PRKAG2: variants seen among roughly 807,000 people sequenced by gnomAD.
The protein encoded by PRKAG2 is 5'-AMP-activated protein kinase subunit gamma-2.
In PRKAG2, 26 loss-of-function variants were observed where a neutral mutation model predicts 69.6. The ratio of observed to expected loss-of-function variants is 0.37; its 90% CI spans 0.27 to 0.52. The LOEUF (loss-of-function observed/expected upper bound fraction) is 0.52, where lower values mean the gene tolerates loss of function less well. Among genes scored for constraint, PRKAG2 ranks in the 20% least tolerant of loss-of-function variants. The pLI is 0.90. For synonymous variants in PRKAG2, 293 were observed against 285.0 expected (o/e 1.03, Z -0.28); for missense variants, 557 against 740.0 (o/e 0.75, Z 2.87).
In PRKAG2 at chr7:151,557,481, ATTCCACT is replaced by A. The variant is rs1803995267; in HGVS notation, c.1679-256_1679-250del. On this transcript the variant is annotated intron_variant, in intron 15 of 15. Coordinates refer to ENST00000287878, the MANE Select transcript of PRKAG2 (RefSeq NM_016203.4). ...TTAACTTGGAAAACAAAAAAAAAGAATTCCACTCTTAAAAAATTTTACTAAGAAATAT... is the reference window on the plus strand; with the variant it reads ...TTAACTTGGAAAACAAAAAAAAAGAACTTAAAAAATTTTACTAAGAAATAT... 3 of 985,118 alleles carry A rather than the reference ATTCCACT, an allele frequency of 3.0e-6. No individual in the cohort carries two copies. The South Asian group carries it at 1.4e-4, about 46-fold the overall frequency. 61.0% of individuals were successfully genotyped at this position (985,118 alleles called of 1,614,324 possible). A position where few individuals can be genotyped will look rare whatever the true frequency, so the allele number is the denominator to read the frequency against.
In PRKAG2 at chr7:151,814,421, C is replaced by T; in HGVS notation, c.115-27880G>A. The T allele has an allele frequency of 1.6e-6, 2 of 1,227,970 alleles. No individual in the cohort carries two copies. Among genetic ancestry groups the T allele is most frequent in the Non-Finnish European group, 2.0e-6 (2 of 986,204 alleles). The allele number at this position is 1,227,970 out of a possible 1,614,324, so 76.1% of individuals were successfully genotyped here. A position where few individuals can be genotyped will look rare whatever the true frequency, so the allele number is the denominator to read the frequency against. ...GCTCCCGCAGGTCTGCTTACTCAGC[C>T]CCAAGGGGTCCTGGAGGTCTTCTCT... is the stretch of plus-strand genomic sequence containing the variant. On this transcript the variant is annotated intron_variant, in intron 1 of 15. Coordinates refer to ENST00000287878, the MANE Select transcript of PRKAG2 (RefSeq NM_016203.4). The surrounding 1 kb of genome is among the most constrained non-coding windows in gnomAD (Gnocchi z 4.8).
At chr7:151,569,467 A>G (rs1415223117) in intron 10 of PRKAG2, among the ~76,000 whole-genome samples, 6 of 152,264 alleles carry the variant, frequency 3.9e-5, no homozygotes, top group Admixed American at 2.6e-4. Flanking sequence ...AGCTCTCTGC[A>G]TTGGTGAGTG....
intron 4 of PRKAG2, among the ~76,000 whole-genome samples, chr7:151,642,152 G>A (rs1166327566): frequency 1.3e-5 from 2 of 151,392 alleles, no homozygotes; most frequent in African/African-American, 2.4e-5. Flanking sequence ...TGGCTAACAC[G>A]GTGAAACACT....
At chr7:151,745,521 CATGCACA>C (rs2074224736) in intron 3 of PRKAG2, among the ~76,000 whole-genome samples, 1 of 152,148 alleles carries the variant, frequency 6.6e-6, no homozygotes, top group African/African-American at 2.4e-5. Context: ...CACTCATGGT[CATGCACA>C]GCCTCGTGGT....
chr7:151,825,048 C>T (rs1344644069), intron 1 of PRKAG2, among the ~76,000 whole-genome samples: 66 of 28,456 alleles, frequency 2.3e-3, no homozygotes. Context: ...CCCGTCTCTA[C>T]TAAAAATACA....
chr7:151,766,426 A>G (rs7784818), intron 3 of PRKAG2, among the ~76,000 whole-genome samples: 70,017 of 152,046 alleles, frequency 0.46, 16,644 homozygotes, highest in East Asian at 0.74. Flanking sequence ...AACACAGTTC[A>G]CTCAACAACC....
rs945689003 is a variant in PRKAG2 at position 151,632,450 on chromosome 7, G to C, written c.685-312C>G. 4.2e-4 allele frequency: 267 copies of C among 631,924 alleles called. 2 individuals carry two copies. The African/African-American group carries it at 5.0e-3, about 12-fold the overall frequency. The allele number at this position is 631,924 out of a possible 1,614,324, so 39.1% of individuals were successfully genotyped here. ...AGCGTGGGAAGGGACCCGGGAGCTC[G>C]AGGGCGGCAGCGCCTGGGCCCGGGG... On this transcript the variant is annotated intron_variant, in intron 4 of 15. Coordinates refer to ENST00000287878, the MANE Select transcript of PRKAG2 (RefSeq NM_016203.4). This position sits in a 1 kb window ranked among gnomAD's most constrained non-coding sequence, Gnocchi z 4.2.
At position 151,675,765 on chromosome 7, in the gene PRKAG2, G is replaced by A. The variant is rs371382525; in HGVS notation, c.467-128C>T. The A allele has an allele frequency of 1.9e-4, 167 of 874,044 alleles. No homozygotes were observed. In the African/African-American group the frequency reaches 2.4e-3, roughly 12 times the overall value. 54.1% of individuals were successfully genotyped at this position (874,044 alleles called of 1,614,324 possible). A position where few individuals can be genotyped will look rare whatever the true frequency, so the allele number is the denominator to read the frequency against. ...AGAGGTCCGGCCTCCAGGAAGGGAC[G>A]TCGGGGGCAGTCAGAGGTCCGGCCT... On this transcript the variant is annotated intron_variant, in intron 3 of 15. Coordinates refer to ENST00000287878, the MANE Select transcript of PRKAG2 (RefSeq NM_016203.4).
chr7:151,765,547 C>T (rs1005093024), intron 3 of PRKAG2, among the ~76,000 whole-genome samples: 12 of 152,174 alleles, frequency 7.9e-5, no homozygotes, highest in Non-Finnish European at 1.3e-4. Context: ...CAGGGCATCC[C>T]CGTCTCAGCT....
chr7:151,641,440 G>A (rs1048685655), intron 4 of PRKAG2, among the ~76,000 whole-genome samples: 2 of 151,684 alleles, frequency 1.3e-5, no homozygotes, highest in Non-Finnish European at 1.5e-5. Flanking sequence ...TAGAGACAAG[G>A]TTTCACCATG....
chr7:151,556,638 G>A lies in PRKAG2; in HGVS notation c.*563C>T, dbSNP rs757519744. 1 of 153,022 alleles carries A rather than the reference G, an allele frequency of 6.5e-6. No homozygotes were observed. The highest frequency in any genetic ancestry group is 1.5e-5 in the Non-Finnish European group (1 of 68,598). The allele number at this position is 153,022 out of a possible 1,614,324, so 9.5% of individuals were successfully genotyped here. ...TGTTGTAAAGCAGCCTCGTTGACAC[G>A]GTAGCCCAGAACAAAACACTTACGT... is the stretch of plus-strand genomic sequence containing the variant. On this transcript the variant is annotated 3_prime_UTR_variant, in exon 16 of 16. Transcript: ENST00000287878.
intron 1 of PRKAG2, among the ~76,000 whole-genome samples, chr7:151,829,501 C>T (rs1393316009): frequency 6.6e-6 from 1 of 151,964 alleles, no homozygotes; most frequent in Non-Finnish European, 1.5e-5. Context: ...CACAATATGA[C>T]CCAGCAACTC....
chr7:151,749,778 A>C (rs2074539817), intron 3 of PRKAG2, among the ~76,000 whole-genome samples: 1 of 144,542 alleles, frequency 6.9e-6, no homozygotes, highest in Admixed American at 7.4e-5. Flanking sequence ...CTCTAGGACA[A>C]CCACACTGAA....
intron 6 of PRKAG2, among the ~76,000 whole-genome samples, chr7:151,586,514 T>C (rs890108328): frequency 5.9e-5 from 9 of 152,240 alleles, no homozygotes; most frequent in Non-Finnish European, 1.2e-4. Context: ...GTTAGGAATC[T>C]CCTTTGTAAG....
At chr7:151,594,685 T>C (rs1814032300) in intron 6 of PRKAG2, among the ~76,000 whole-genome samples, 1 of 152,248 alleles carries the variant, frequency 6.6e-6, no homozygotes, top group African/African-American at 2.4e-5. Context: ...TACAGTTTAA[T>C]AATGAACAGC....
intron 5 of PRKAG2, among the ~76,000 whole-genome samples, chr7:151,596,501 C>T (rs925147836): frequency 2.6e-5 from 4 of 152,096 alleles, no homozygotes; most frequent in Admixed American, 2.0e-4. Context: ...GTAATCCTAG[C>T]ACTTTGGGAG....
intron 4 of PRKAG2, among the ~76,000 whole-genome samples, chr7:151,662,517 A>T (rs1830477191): frequency 6.6e-6 from 1 of 151,614 alleles, no homozygotes; most frequent in Non-Finnish European, 1.5e-5. Context: ...GCCTTTTGTC[A>T]CCTCTCACTG....
chr7:151,826,471 C>A (rs562276134), intron 1 of PRKAG2, among the ~76,000 whole-genome samples: 1 of 152,190 alleles, frequency 6.6e-6, no homozygotes, highest in Non-Finnish European at 1.5e-5. Flanking sequence ...ATGTGAGCCA[C>A]CGCGCCTGGC....
At chr7:151,842,212 T>C (rs1166376313) in intron 1 of PRKAG2, among the ~76,000 whole-genome samples, 2 of 115,994 alleles carry the variant, frequency 1.7e-5, no homozygotes. Context: ...GGGATGGTAG[T>C]GATGGTAGGT....
Sources: gnomAD v4.1 joint callset for allele counts (sites outside exome capture counted in the v4.1 genomes callset) on GRCh38, gnomAD v4.1.1 for gene constraint, Gnocchi (gnomAD v3.1) non-coding constraint, MANE v1.5 for transcripts, NCBI Gene and HGNC (gene_info 2026-07-23, HGNC 2026-07-21) for gene names.